The following EFCAB8 variants were observed in gnomAD, a reference collection of about 807,000 sequenced individuals.
EFCAB8 encodes the protein EF-hand calcium-binding domain-containing protein 8.
Under a neutral mutation model 116.3 loss-of-function variants are expected in EFCAB8, and 100 were observed. The observed-to-expected ratio is 0.86, with a 90% confidence interval of 0.73 to 1.02. The LOEUF (loss-of-function observed/expected upper bound fraction) is 1.02. EFCAB8 is among the 50% of genes least tolerant of loss of function. EFCAB8 has a pLI of 0.00. For missense variants in EFCAB8, 1,320 were observed against 1,416.9 expected, an observed-to-expected ratio of 0.93 and a Z score of 1.10; for synonymous variants, 558 against 567.9, an observed-to-expected ratio of 0.98 and a Z score of 0.25.
chr20:32,894,213 A>G (rs6120016), intron 9 of EFCAB8, among the ~76,000 whole-genome samples: 21,785 of 152,234 alleles, frequency 0.14, 1,618 homozygotes, highest in East Asian at 0.22. Context: ...ATGCAGGGCC[A>G]CCAACCCCCT....
At chr20:32,921,831 C>CT (rs11483441) in intron 20 of EFCAB8, among the ~76,000 whole-genome samples, 60,646 of 130,148 alleles carry the variant, frequency 0.47, 14,433 homozygotes, top group Middle Eastern at 0.55. Flanking sequence ...TTACCTTATT[C>CT]TTTTTTTTTT....
chr20:32,859,901 GTTTTTTCCC>G (rs1984015433), intron 1 of EFCAB8, among the ~76,000 whole-genome samples: 1 of 152,102 alleles, frequency 6.6e-6, no homozygotes, highest in Non-Finnish European at 1.5e-5. Context: ...CAGCATTTTT[GTTTTTTCCC>G]AATCGGATTC....
intron 11 of EFCAB8, among the ~76,000 whole-genome samples, chr20:32,901,024 C>G (rs559723749): frequency 5.5e-4 from 83 of 152,242 alleles, no homozygotes; most frequent in Non-Finnish European, 1.0e-3. Context: ...TTTAACCAAA[C>G]AGTGCACTGT....
Position 32,903,074 on chromosome 20 carries a change from C to T in EFCAB8, c.1089-3488C>T, listed in dbSNP as rs558424376. Among the ~76,000 whole-genome samples, 128 of 152,354 alleles carry T rather than the reference C, an allele frequency of 8.4e-4. 1 individual carries two copies. The highest frequency in any genetic ancestry group is 3.0e-3 in the African/African-American group (123 of 41,594). ...ACATTTCCTGACCCACGGCCATCAACAAATCTGATCCAGCCAGGGCCCTGT... is the reference window on the plus strand; with the variant it reads ...ACATTTCCTGACCCACGGCCATCAATAAATCTGATCCAGCCAGGGCCCTGT... On this transcript the variant is annotated intron_variant, in intron 11 of 26. Transcript: ENST00000400522.
At chr20:32,861,860 C>T (rs1489542073) in intron 1 of EFCAB8, among the ~76,000 whole-genome samples, 1 of 152,166 alleles carries the variant, frequency 6.6e-6, no homozygotes, top group African/African-American at 2.4e-5. Flanking sequence ...TATATGTTTC[C>T]AGGCTCTTTT....
intron 23 of EFCAB8, among the ~76,000 whole-genome samples, chr20:32,957,376 G>A (rs1989003693): frequency 6.6e-6 from 1 of 151,724 alleles, no homozygotes. Context: ...AAAGACTTTA[G>A]TTGATATTAT....
chr20:32,957,723 C>G (rs1257989850), intron 23 of EFCAB8, among the ~76,000 whole-genome samples: 2 of 152,088 alleles, frequency 1.3e-5, no homozygotes, highest in African/African-American at 2.4e-5. Context: ...GCTGGTTTCT[C>G]TCTCTCTAAG....
chr20:32,926,432 C>CT (rs781520881), intron 20 of EFCAB8, among the ~76,000 whole-genome samples: 150 of 99,738 alleles, frequency 1.5e-3, no homozygotes, highest in East Asian at 4.0e-3. Context: ...TAGCTGTTTG[C>CT]TTTTTTTTTT....
intron 18 of EFCAB8, 65 bp downstream of exon 18, chr20:32,917,570 G>T: frequency 8.7e-7 from 1 of 1,148,420 alleles, no homozygotes. Context: ...ATCCTGTGGG[G>T]CAGGGAGGGT....
intron 9 of EFCAB8, among the ~76,000 whole-genome samples, chr20:32,895,246 A>G (rs1303604925): frequency 6.6e-6 from 1 of 152,088 alleles, no homozygotes; most frequent in Non-Finnish European, 1.5e-5. Flanking sequence ...GGAGATGCTA[A>G]GCCCCATGAG....
chr20:32,863,323 G>A (rs944913613), intron 1 of EFCAB8, among the ~76,000 whole-genome samples: 6 of 152,098 alleles, frequency 3.9e-5, no homozygotes, highest in African/African-American at 1.4e-4. Flanking sequence ...CTGCTCTCCC[G>A]AAGTCCTGGC....
Position 32,907,000 on chromosome 20 carries a change from C to A in EFCAB8, c.1308+6C>A. Reference sequence around the variant, plus strand: ...TCAGTGTCTCCAAGGACAAGGTCCGCCCCGACGGTCCGCCTGACTCCTTCT... The same window carrying A: ...TCAGTGTCTCCAAGGACAAGGTCCGACCCGACGGTCCGCCTGACTCCTTCT... On this transcript the variant is annotated splice_donor_region_variant and intron_variant, in intron 13 of 26. Coordinates refer to ENST00000400522, the MANE Select transcript of EFCAB8 (RefSeq NM_001143967.2). 6.7e-7 allele frequency: 1 copy of A among 1,497,292 alleles called. No homozygotes were observed. Among genetic ancestry groups the A allele is most frequent in the South Asian group, 1.3e-5 (1 of 74,256 alleles). The allele number at this position is 1,497,292 out of a possible 1,614,324, so 92.8% of individuals were successfully genotyped here.
chr20:32,863,345 C>T (rs575404237), intron 1 of EFCAB8, among the ~76,000 whole-genome samples: 3 of 152,138 alleles, frequency 2.0e-5, no homozygotes, highest in Non-Finnish European at 4.4e-5. Flanking sequence ...TGCAAGGGCA[C>T]TGGAAGGTGG....
At chr20:32,932,901 A>G (rs1356209669) in intron 22 of EFCAB8, among the ~76,000 whole-genome samples, 1 of 152,178 alleles carries the variant, frequency 6.6e-6, no homozygotes, top group African/African-American at 2.4e-5. Flanking sequence ...TGTTATGGCT[A>G]GTTCGTTTTA....
chr20:32,921,064 C>T (rs994900285), intron 20 of EFCAB8, among the ~76,000 whole-genome samples: 1 of 152,140 alleles, frequency 6.6e-6, no homozygotes, highest in South Asian at 2.1e-4. Context: ...GTGTGGCTGG[C>T]CTGCCCCATC....
intron 16 of EFCAB8, 56 bp from the exon 17 acceptor site, chr20:32,912,738 C>T: frequency 1.4e-6 from 1 of 716,824 alleles, no homozygotes; most frequent in South Asian, 1.5e-5. Context: ...CATTTAGGGC[C>T]CAGAGCCATT....
rs539707792 is a variant in EFCAB8, at chr20:32,911,060, A to G, written c.1558-420A>G. ...GCCTTACCTGCTACTCTTGCATTAT[A>G]ACAATGGTCATGGTGGCAAAATGTT... On this transcript the variant is annotated intron_variant, in intron 15 of 26. Coordinates refer to ENST00000400522, the MANE Select transcript of EFCAB8 (RefSeq NM_001143967.2). Among the ~76,000 whole-genome samples the G allele has an allele frequency of 2.6e-5, 4 of 152,220 alleles. No individual in the cohort carries two copies. The East Asian group carries it at 7.7e-4, about 29-fold the overall frequency.
chr20:32,869,239 A>ATTT (rs558913991), intron 3 of EFCAB8, among the ~76,000 whole-genome samples: 3 of 144,418 alleles, frequency 2.1e-5, no homozygotes, highest in Non-Finnish European at 3.1e-5. Flanking sequence ...GGGTGTTGCA[A>ATTT]TTTTTTTTTT....
intron 17 of EFCAB8, among the ~76,000 whole-genome samples, chr20:32,915,024 A>T (rs952539332): frequency 2.0e-5 from 3 of 152,098 alleles, no homozygotes; most frequent in Non-Finnish European, 4.4e-5. Flanking sequence ...CAGCCTCCAG[A>T]GTAGCTAGAA....
Sources: allele counts gnomAD v4.1 joint callset (sites outside exome capture counted in the v4.1 genomes callset), GRCh38; gene constraint gnomAD v4.1.1; transcripts MANE v1.5; gene names NCBI Gene and HGNC (gene_info 2026-07-23, HGNC 2026-07-21).